ADAMTSL1: variants seen among roughly 807,000 people sequenced by gnomAD.
The protein encoded by ADAMTSL1 is ADAMTS-like protein 1.
In ADAMTSL1, 126 loss-of-function variants were observed where a neutral mutation model predicts 201.8. The ratio of observed to expected loss-of-function variants is 0.62; its 90% CI spans 0.54 to 0.72. The LOEUF (loss-of-function observed/expected upper bound fraction) is 0.72, where lower values mean the gene tolerates loss of function less well. ADAMTSL1 is among the 30% of genes least tolerant of loss of function. The pLI is 0.00. For synonymous variants in ADAMTSL1, 1,121 were observed against 903.4 expected, an observed-to-expected ratio of 1.24 and a Z score of -4.32; for missense variants, 2,679 against 2,277.8, an observed-to-expected ratio of 1.18 and a Z score of -3.59.
intron 1 of ADAMTSL1, among the ~76,000 whole-genome samples, chr9:17,951,907 T>C (rs1250245996): frequency 6.6e-6 from 1 of 152,112 alleles, no homozygotes; most frequent in African/African-American, 2.4e-5. Flanking sequence ...AGCCTCATGT[T>C]CTTCCACCTT....
At chr9:18,688,181 T>C (rs936894928) in intron 13 of ADAMTSL1, among the ~76,000 whole-genome samples, 30 of 151,458 alleles carry the variant, frequency 2.0e-4, no homozygotes, top group African/African-American at 7.0e-4. Context: ...TGGAATGCAA[T>C]GGCGTGATCT....
At chr9:18,457,701 G>A (rs925070186) in intron 2 of ADAMTSL1, among the ~76,000 whole-genome samples, 1 of 152,198 alleles carries the variant, frequency 6.6e-6, no homozygotes, top group African/African-American at 2.4e-5. Context: ...AAAGTAGTAT[G>A]GGTTCTGAGT....
At chr9:18,711,624 C>G (rs545273090) in intron 14 of ADAMTSL1, among the ~76,000 whole-genome samples, 4 of 152,228 alleles carry the variant, frequency 2.6e-5, no homozygotes, top group Non-Finnish European at 2.9e-5. Flanking sequence ...TGATTGCTAG[C>G]ACAGCAATCT....
intron 2 of ADAMTSL1, among the ~76,000 whole-genome samples, chr9:18,250,871 G>T (rs769409896): frequency 6.6e-6 from 1 of 152,110 alleles, no homozygotes; most frequent in Non-Finnish European, 1.5e-5. Flanking sequence ...CACTGCTAAG[G>T]AATCTCTACC....
chr9:18,002,250 T>C (rs796663528), intron 1 of ADAMTSL1, among the ~76,000 whole-genome samples: 2 of 152,046 alleles, frequency 1.3e-5, no homozygotes, highest in South Asian at 4.1e-4. Context: ...GATGCCATTA[T>C]GGGTAGCCTC....
At chr9:18,656,539 G>A (rs1017035287) in intron 7 of ADAMTSL1, among the ~76,000 whole-genome samples, 2 of 148,070 alleles carry the variant, frequency 1.4e-5, no homozygotes, top group African/African-American at 2.5e-5. Flanking sequence ...TGAGGCAGAA[G>A]AATGGTGTGA....
At chr9:18,877,756 T>G (rs1828259820) in intron 23 of ADAMTSL1, among the ~76,000 whole-genome samples, 1 of 152,070 alleles carries the variant, frequency 6.6e-6, no homozygotes, top group Non-Finnish European at 1.5e-5. Context: ...TGTGGTAGTA[T>G]AGGGAGTATA....
intron 13 of ADAMTSL1, among the ~76,000 whole-genome samples, chr9:18,694,584 A>C (rs2133263129): frequency 6.6e-6 from 1 of 152,286 alleles, no homozygotes; most frequent in Admixed American, 6.5e-5. Flanking sequence ...TAAAGCTCCA[A>C]AATGATCTCC....
At chr9:18,156,776 T>C (rs138552228) in intron 1 of ADAMTSL1, among the ~76,000 whole-genome samples, 407 of 152,158 alleles carry the variant, frequency 2.7e-3, no homozygotes, top group African/African-American at 9.0e-3. Flanking sequence ...CATGTGTTCT[T>C]TCATTGTCTA....
chr9:18,904,684 G>T lies in ADAMTSL1; in HGVS notation c.4852-1098G>T, dbSNP rs1830198959. Among the ~76,000 whole-genome samples, 12 of 95,900 alleles carry T rather than the reference G, an allele frequency of 1.3e-4. 2 individuals are homozygous for T. The highest frequency in any genetic ancestry group is 1.6e-4 in the Non-Finnish European group (8 of 48,580). The allele number at this position is 95,900 out of a possible 152,430, so 62.9% of individuals were successfully genotyped here. ...AAAAAAAAAAAAAAGGTCCGTTTAT[G>T]TGTATTTTACGATTTAAAAAAAATC... is the stretch of plus-strand genomic sequence containing the variant. On this transcript the variant is annotated intron_variant, in intron 26 of 28. Transcript: ENST00000380548.
At chr9:18,328,894 TA>T (rs1467990721) in intron 2 of ADAMTSL1, among the ~76,000 whole-genome samples, 2 of 152,212 alleles carry the variant, frequency 1.3e-5, no homozygotes, top group Non-Finnish European at 2.9e-5. Flanking sequence ...CTTATGCTTT[TA>T]GTCCTTCCTC....
At chr9:18,178,492 C>T (rs1306978663) in intron 2 of ADAMTSL1, among the ~76,000 whole-genome samples, 1 of 151,964 alleles carries the variant, frequency 6.6e-6, no homozygotes, top group Non-Finnish European at 1.5e-5. Context: ...GTGAACAAAG[C>T]AGCCGGGAAG....
chr9:18,204,069 T>C (rs1829551649), intron 2 of ADAMTSL1, among the ~76,000 whole-genome samples: 1 of 152,158 alleles, frequency 6.6e-6, no homozygotes, highest in Non-Finnish European at 1.5e-5. Context: ...TAAGAACATA[T>C]CATAAAACTA....
At chr9:18,692,022 G>T (rs1831252549) in intron 13 of ADAMTSL1, among the ~76,000 whole-genome samples, 1 of 152,060 alleles carries the variant, frequency 6.6e-6, no homozygotes, top group South Asian at 2.1e-4. Flanking sequence ...GTATCTAATG[G>T]CATTTGAGAG....
chr9:18,212,832 T>C (rs1477815023), intron 2 of ADAMTSL1, among the ~76,000 whole-genome samples: 1 of 152,154 alleles, frequency 6.6e-6, no homozygotes, highest in East Asian at 1.9e-4. Context: ...TAAGATGTGC[T>C]TCAACATTCC....
At chr9:18,700,242 AAG>A (rs1330043396) in intron 13 of ADAMTSL1, among the ~76,000 whole-genome samples, 1 of 152,202 alleles carries the variant, frequency 6.6e-6, no homozygotes, top group Non-Finnish European at 1.5e-5. Context: ...GATTCAATTG[AAG>A]AGTTTCCCTT....
At chr9:18,496,517 C>T (rs1369373816) in intron 1 of ADAMTSL1, among the ~76,000 whole-genome samples, 1 of 152,158 alleles carries the variant, frequency 6.6e-6, no homozygotes, top group Non-Finnish European at 1.5e-5. Context: ...GCACAATAGT[C>T]AACCAAAGAA....
intron 23 of ADAMTSL1, among the ~76,000 whole-genome samples, chr9:18,830,543 T>C (rs1824910205): frequency 6.6e-6 from 1 of 152,142 alleles, no homozygotes; most frequent in South Asian, 2.1e-4. Context: ...TCATCTAGTG[T>C]TGGAAACCTT....
At chr9:18,312,418 A>G (rs1198726310) in intron 2 of ADAMTSL1, among the ~76,000 whole-genome samples, 1 of 152,184 alleles carries the variant, frequency 6.6e-6, no homozygotes, top group Non-Finnish European at 1.5e-5. Context: ...CTTAAAAAGG[A>G]GAAAAATTAA....
Sources: allele counts gnomAD v4.1 joint callset (sites outside exome capture counted in the v4.1 genomes callset), GRCh38; gene constraint gnomAD v4.1.1; transcripts MANE v1.5; gene names NCBI Gene and HGNC (gene_info 2026-07-23, HGNC 2026-07-21).